The following SPCS2 variants were observed in gnomAD, a reference collection of about 807,000 sequenced individuals.
The protein encoded by SPCS2 is SPase 25 kDa subunit.
Under a neutral mutation model 22.3 loss-of-function variants are expected in SPCS2, and 3 were observed. That is an observed-to-expected ratio of 0.13 (90% confidence interval 0.06 to 0.35). SPCS2 has a LOEUF of 0.35. SPCS2 is among the 10% of genes least tolerant of loss of function. The probability of loss-of-function intolerance (pLI) is 1.00; values close to 1 mark genes in which losing one functional copy is unlikely to be tolerated. For synonymous variants in SPCS2, 67 were observed against 97.2 expected (o/e 0.69, Z 1.83); for missense variants, 169 against 280.9 (o/e 0.60, Z 2.85).
chr11:74,953,754 T>C lies in SPCS2; in HGVS notation c.114+4355T>C, dbSNP rs75391252. ...TCACAGAATAACTTGACTTAGATCA[T>C]TGCAGTATGTTATTTTGCCCCAAAT... On this transcript the variant is annotated intron_variant, in intron 1 of 4. Transcript: ENST00000263672. 2.3e-3 allele frequency among the ~76,000 whole-genome samples: 349 copies of C among 152,350 alleles called. 3 individuals are homozygous for C. Among genetic ancestry groups the C allele is most frequent in the Middle Eastern group, 6.8e-3 (2 of 294 alleles).
rs1354606090 is a variant in SPCS2 at position 74,949,352 on chromosome 11, G to T, written c.67G>T (p.Ala23Ser). 1 of 1,551,548 alleles carries T rather than the reference G, an allele frequency of 6.4e-7. No homozygotes were observed. The highest frequency in any genetic ancestry group is 8.7e-7 in the Non-Finnish European group (1 of 1,146,940). The change falls in exon 1 of 5, where the codon GCT becomes TCT. Residue 23 changes from alanine (A) to serine (S), a missense_variant. Transcript: ENST00000263672. ...GSGGCSGAGG[A>S]SNCGTGSGRS... is the part of the protein sequence containing the mutation. ...CGGAGGCTGTAGTGGGGCTGGTGGT[G>T]CTTCCAACTGCGGGACAGGAAGTGG...
chr11:74,977,327 T>C lies in SPCS2; in HGVS notation c.*284T>C, dbSNP rs1194862410. The C allele has an allele frequency of 5.8e-6, 1 of 173,842 alleles. No homozygotes were observed. The highest frequency in any genetic ancestry group is 1.2e-5 in the Non-Finnish European group (1 of 82,918). The allele number at this position is 173,842 out of a possible 1,614,324, so 10.8% of individuals were successfully genotyped here. On this transcript the variant is annotated 3_prime_UTR_variant, in exon 5 of 5. Coordinates refer to ENST00000263672, the MANE Select transcript of SPCS2 (RefSeq NM_014752.3). Reference sequence around the variant, plus strand: ...GCTAAAAGCTGTACAGACTTTTTCTTTTGTACCTAGCAGTACTTTATATAG... The same window carrying C: ...GCTAAAAGCTGTACAGACTTTTTCTCTTGTACCTAGCAGTACTTTATATAG...
intron 1 of SPCS2, chr11:74,949,767 A>C (rs1029993958): frequency 5.8e-5 from 24 of 417,076 alleles, no homozygotes; most frequent in African/African-American, 4.9e-4. Context: ...AGATTAAAGA[A>C]TCAGTATCCC....
chr11:74,967,932 T>C, intron 3 of SPCS2, among the ~76,000 whole-genome samples: 1 of 151,262 alleles, frequency 6.6e-6, no homozygotes, highest in East Asian at 1.9e-4. Flanking sequence ...AGACCCTGTC[T>C]CAAAAAAAAA....
chr11:74,949,771 G>T, intron 1 of SPCS2: 1 of 413,314 alleles, frequency 2.4e-6, no homozygotes, highest in Non-Finnish European at 4.8e-6. Flanking sequence ...TAAAGAATCA[G>T]TATCCCCCAA....
chr11:74,961,940 G>C (rs752953064), intron 1 of SPCS2, among the ~76,000 whole-genome samples: 1 of 152,180 alleles, frequency 6.6e-6, no homozygotes, highest in Non-Finnish European at 1.5e-5. Flanking sequence ...TTATATCACT[G>C]AAGAAGAGAC....
At chr11:74,954,024 CCT>C (rs1371170600) in intron 1 of SPCS2, among the ~76,000 whole-genome samples, 1 of 152,168 alleles carries the variant, frequency 6.6e-6, no homozygotes, top group Non-Finnish European at 1.5e-5. Flanking sequence ...GATTTTTGGA[CCT>C]TTTTTTAGGC....
chr11:74,958,708 T>C (rs548451382), intron 1 of SPCS2, among the ~76,000 whole-genome samples: 1 of 152,300 alleles, frequency 6.6e-6, no homozygotes, highest in Middle Eastern at 3.4e-3. Context: ...CTAATTCTAG[T>C]AGGTGGTCAT....
intron 1 of SPCS2, among the ~76,000 whole-genome samples, chr11:74,954,690 CT>C (rs1187997883): frequency 4.9e-4 from 74 of 152,064 alleles, no homozygotes; most frequent in Non-Finnish European, 1.5e-5. Context: ...GCAAACTGAT[CT>C]TTATTAGCGT....
chr11:74,953,615 GT>G (rs1457290971), intron 1 of SPCS2, among the ~76,000 whole-genome samples: 3 of 152,188 alleles, frequency 2.0e-5, no homozygotes, highest in Admixed American at 6.5e-5. Context: ...TATGCTCCTA[GT>G]TTTCCCTAAG....
At chr11:74,951,032 T>C (rs543915770) in intron 1 of SPCS2, among the ~76,000 whole-genome samples, 1 of 152,336 alleles carries the variant, frequency 6.6e-6, no homozygotes, top group South Asian at 2.1e-4. Flanking sequence ...TTCCTTGCAC[T>C]TGGATCATCA....
chr11:74,951,000 G>T (rs140150970), intron 1 of SPCS2, among the ~76,000 whole-genome samples: 203 of 152,298 alleles, frequency 1.3e-3, no homozygotes, highest in African/African-American at 4.4e-3. Flanking sequence ...GTGCTTACCT[G>T]CCCCACTAAC....
At position 74,978,390 on chromosome 11, in the gene SPCS2, C is replaced by T. The variant is rs1163099778; in HGVS notation, c.*1347C>T. On this transcript the variant is annotated 3_prime_UTR_variant, in exon 5 of 5. Coordinates refer to ENST00000263672, the MANE Select transcript of SPCS2 (RefSeq NM_014752.3). The stretch of plus-strand genomic sequence containing the variant: ...GCCTTGGATTCTGTACTCTTCATTC[C>T]TGTAAACCTTGGGTAAGTTTCGGAA... The T allele has an allele frequency of 6.6e-6, 1 of 152,186 alleles. No individual in the cohort carries two copies. The highest frequency in any genetic ancestry group is 2.4e-5 in the African/African-American group (1 of 41,438). The allele number at this position is 152,186 out of a possible 1,614,324, so 9.4% of individuals were successfully genotyped here.
At chr11:74,972,680 G>A (rs1948591573) in intron 4 of SPCS2, among the ~76,000 whole-genome samples, 1 of 150,530 alleles carries the variant, frequency 6.6e-6, no homozygotes, top group Non-Finnish European at 1.5e-5. Flanking sequence ...CATCCACAAA[G>A]TCCCCTATAA....
chr11:74,965,702 T>C (rs1591739210), intron 2 of SPCS2, 61 bp from the exon 3 acceptor site: 1 of 1,407,578 alleles, frequency 7.1e-7, no homozygotes, highest in East Asian at 2.3e-5. Flanking sequence ...AAATCAAGAA[T>C]AAAAGCACAT....
intron 1 of SPCS2, among the ~76,000 whole-genome samples, chr11:74,957,627 G>C (rs1948487733): frequency 6.6e-6 from 1 of 152,302 alleles, no homozygotes; most frequent in South Asian, 2.1e-4. Context: ...GAGGAAATAG[G>C]TAACATTTTA....
At chr11:74,963,162 G>A (rs893015284) in intron 1 of SPCS2, among the ~76,000 whole-genome samples, 5 of 152,186 alleles carry the variant, frequency 3.3e-5, no homozygotes, top group African/African-American at 4.8e-5. Context: ...GTGTAAATGA[G>A]CTATCTAGCT....
rs142011356 is a variant in SPCS2, at chr11:74,951,099, G to T, written c.114+1700G>T. 6.6e-3 allele frequency among the ~76,000 whole-genome samples: 1,005 copies of T among 152,302 alleles called. 9 individuals carry two copies. Among genetic ancestry groups the T allele is most frequent in the African/African-American group, 0.023 (952 of 41,552 alleles). ...AGGCAGTATAGAATACTATTATTAT[G>T]GAATAGTGTATATGGCACCATTGTG... is the stretch of plus-strand genomic sequence containing the variant. On this transcript the variant is annotated intron_variant, in intron 1 of 4. Coordinates refer to ENST00000263672, the MANE Select transcript of SPCS2 (RefSeq NM_014752.3).
At chr11:74,966,110 T>G (rs985644961) in intron 3 of SPCS2, among the ~76,000 whole-genome samples, 187 bp downstream of exon 3, 8 of 152,238 alleles carry the variant, frequency 5.3e-5, no homozygotes, top group African/African-American at 1.7e-4. Flanking sequence ...CACTGATATT[T>G]TATGTTTTGT....
Sources: gnomAD v4.1 joint callset for allele counts (sites outside exome capture counted in the v4.1 genomes callset) on GRCh38, gnomAD v4.1.1 for gene constraint, MANE v1.5 for transcripts, NCBI Gene and HGNC (gene_info 2026-07-23, HGNC 2026-07-21) for gene names.